Variants in PPP2R2B observed in about 807,000 individuals in gnomAD.
PPP2R2B encodes the protein protein phosphatase 2 regulatory subunit Bbeta.
PPP2R2B carries 5 observed loss-of-function variants against 46.0 expected under a neutral mutation model. The observed-to-expected ratio is 0.11, with a 90% CI of 0.06 to 0.23. PPP2R2B has a LOEUF of 0.23. PPP2R2B is among the 10% of genes least tolerant of loss of function. PPP2R2B has a pLI of 1.00. For synonymous variants in PPP2R2B, 215 were observed against 206.7 expected, an observed-to-expected ratio of 1.04 and a Z score of -0.34; for missense variants, 367 against 575.0, an observed-to-expected ratio of 0.64 and a Z score of 3.70.
At chr5:146,739,602 T>C (rs1752746716) in intron 2 of PPP2R2B, among the ~76,000 whole-genome samples, 1 of 152,204 alleles carries the variant, frequency 6.6e-6, no homozygotes, top group Non-Finnish European at 1.5e-5. Context: ...TTGAGGTTCA[T>C]GAGGAAGGTC....
intron 1 of PPP2R2B, among the ~76,000 whole-genome samples, chr5:146,989,484 T>G (rs1246285062): frequency 6.6e-6 from 1 of 151,934 alleles, no homozygotes; most frequent in East Asian, 1.9e-4. Context: ...ATTAACAGAA[T>G]AAAAAACAAA....
rs561754450 is a variant in PPP2R2B at position 147,066,243 on chromosome 5, A to G, written c.50+14816T>C. On this transcript the variant is annotated intron_variant, in intron 2 of 10. Coordinates refer to the PPP2R2B transcript ENST00000394413. ...ATCTAGGTATTGGAATATCTCCTTC[A>G]GAGGGCCCATGGAGTGAGTAAGTTA... Among the ~76,000 whole-genome samples the G allele has an allele frequency of 3.3e-5, 5 of 152,330 alleles. No individual in the cohort carries two copies. The East Asian group carries it at 9.6e-4, about 29-fold the overall frequency.
chr5:146,671,457 A>G (rs928208102), intron 5 of PPP2R2B, among the ~76,000 whole-genome samples: 7 of 152,194 alleles, frequency 4.6e-5, no homozygotes, highest in Non-Finnish European at 7.3e-5. Context: ...TCTCTCAACC[A>G]TATGTAACTG....
chr5:146,857,876 A>G (rs34369345), intron 2 of PPP2R2B, among the ~76,000 whole-genome samples: 14 of 152,104 alleles, frequency 9.2e-5, no homozygotes, highest in Non-Finnish European at 1.9e-4. Context: ...TAGTAGAGAC[A>G]GGGTTTCTCC....
intron 2 of PPP2R2B, among the ~76,000 whole-genome samples, chr5:146,759,168 T>A (rs1473085478): frequency 6.6e-6 from 1 of 152,234 alleles, no homozygotes; most frequent in African/African-American, 2.4e-5. Context: ...TCCATGTTGA[T>A]GTCATTTTTC....
At chr5:147,042,408 A>T (rs1756357225) in intron 1 of PPP2R2B, among the ~76,000 whole-genome samples, 1 of 152,048 alleles carries the variant, frequency 6.6e-6, no homozygotes, top group South Asian at 2.1e-4. Context: ...TTGCTTTGAG[A>T]TCTCCTAATT....
At chr5:146,673,762 T>C (rs1029404350) in intron 5 of PPP2R2B, among the ~76,000 whole-genome samples, 2 of 152,232 alleles carry the variant, frequency 1.3e-5, no homozygotes, top group African/African-American at 4.8e-5. Context: ...TAACCTTTCT[T>C]AGCTCAGTGA....
intron 1 of PPP2R2B, among the ~76,000 whole-genome samples, chr5:146,996,216 A>G (rs1316027162): frequency 2.0e-5 from 3 of 152,160 alleles, no homozygotes; most frequent in Non-Finnish European, 4.4e-5. Context: ...GGAAAAAAGT[A>G]TTTCTAGTTG....
intron 1 of PPP2R2B, among the ~76,000 whole-genome samples, chr5:146,963,353 T>C (rs569371259): frequency 1.3e-5 from 2 of 152,320 alleles, no homozygotes; most frequent in East Asian, 3.9e-4. Flanking sequence ...TTCCTCTTCT[T>C]AGCACCACCA....
chr5:146,927,689 C>A (rs1392180373), intron 1 of PPP2R2B, among the ~76,000 whole-genome samples: 1 of 152,034 alleles, frequency 6.6e-6, no homozygotes, highest in East Asian at 1.9e-4. Flanking sequence ...GAACTCCAGG[C>A]AGCCATTATA....
At chr5:146,817,304 C>T (rs1482614299) in intron 2 of PPP2R2B, among the ~76,000 whole-genome samples, 1 of 152,274 alleles carries the variant, frequency 6.6e-6, no homozygotes, top group Non-Finnish European at 1.5e-5. Flanking sequence ...AAGCCTAAGA[C>T]ATTTTTCTCT....
intron 1 of PPP2R2B, among the ~76,000 whole-genome samples, chr5:147,018,078 C>G (rs1285147516): frequency 6.6e-6 from 1 of 150,400 alleles, no homozygotes; most frequent in Non-Finnish European, 1.5e-5. Context: ...CACACACACA[C>G]ACTTAGAAGC....
At chr5:146,665,483 C>T (rs913252959) in intron 5 of PPP2R2B, among the ~76,000 whole-genome samples, 4 of 152,216 alleles carry the variant, frequency 2.6e-5, no homozygotes, top group African/African-American at 9.6e-5. Flanking sequence ...GAGAGCCTTG[C>T]TCTAGGTTAG....
chr5:146,914,356 C>T (rs1365216554), intron 1 of PPP2R2B: 1 of 152,120 alleles, frequency 6.6e-6, no homozygotes. Context: ...TCCATGGGGT[C>T]CTTTGGGAAG....
At chr5:147,016,577 A>G (rs1755017746) in intron 1 of PPP2R2B, among the ~76,000 whole-genome samples, 1 of 8,450 alleles carries the variant, frequency 1.2e-4, no homozygotes, top group Admixed American at 5.6e-4. Flanking sequence ...ATATACAGAT[A>G]CATTGTGGAA....
chr5:146,652,050 C>T (rs1303869863), intron 5 of PPP2R2B, among the ~76,000 whole-genome samples: 2 of 152,070 alleles, frequency 1.3e-5, no homozygotes, highest in African/African-American at 4.8e-5. Context: ...GGTCAGGGGT[C>T]CTCTGAATAC....
chr5:146,589,812 C>T lies in PPP2R2B; in HGVS notation c.*135G>A, dbSNP rs1336318406. 15 of 993,680 alleles carry T rather than the reference C, an allele frequency of 1.5e-5. No homozygotes were observed. The highest frequency in any genetic ancestry group is 3.0e-6 in the Non-Finnish European group (2 of 675,142). 61.6% of individuals were successfully genotyped at this position (993,680 alleles called of 1,614,324 possible). On this transcript the variant is annotated 3_prime_UTR_variant, in exon 10 of 10. Transcript: ENST00000394411. ...CTGGGGAGCTGGGAATGTTGGACTC[C>T]TTTTAATTCTATTCCAATCATTTCC...
intron 1 of PPP2R2B, among the ~76,000 whole-genome samples, chr5:147,027,260 C>G (rs1755566907): frequency 6.6e-6 from 1 of 151,258 alleles, no homozygotes; most frequent in Non-Finnish European, 1.5e-5. Flanking sequence ...TGTGGTTATA[C>G]AACATTGCAA....
chr5:147,003,453 T>C (rs1446679520), intron 1 of PPP2R2B, among the ~76,000 whole-genome samples: 1 of 152,100 alleles, frequency 6.6e-6, no homozygotes, highest in Non-Finnish European at 1.5e-5. Context: ...TCCTGATAGG[T>C]ATATAGATAT....
Sources: gnomAD v4.1 joint callset for allele counts (sites outside exome capture counted in the v4.1 genomes callset) on GRCh38, gnomAD v4.1.1 for gene constraint, MANE v1.5 for transcripts, NCBI Gene and HGNC (gene_info 2026-07-23, HGNC 2026-07-21) for gene names.